NPHP1: variants seen among roughly 807,000 people sequenced by gnomAD.
The protein encoded by NPHP1 is nephrocystin-1.
A neutral mutation model predicts 90.4 loss-of-function variants in NPHP1; 70 were observed. The ratio of observed to expected loss-of-function variants is 0.77; its 90% CI spans 0.64 to 0.95. The LOEUF (loss-of-function observed/expected upper bound fraction) is 0.95. NPHP1 is among the 40% of genes least tolerant of loss of function. NPHP1 has a pLI of 0.00. For missense variants in NPHP1, 764 were observed against 795.9 expected, an observed-to-expected ratio of 0.96 and a Z score of 0.48; for synonymous variants, 256 against 271.7, an observed-to-expected ratio of 0.94 and a Z score of 0.57.
intron 2 of NPHP1, among the ~76,000 whole-genome samples, chr2:110,193,890 C>A (rs917153889): frequency 6.6e-6 from 1 of 152,106 alleles, no homozygotes; most frequent in Non-Finnish European, 1.5e-5. Flanking sequence ...AACTGAACAA[C>A]CTGCTCCGGA....
chr2:110,163,089 G>A lies in NPHP1; in HGVS notation c.818C>T (p.Ala273Val). The stretch of plus-strand genomic sequence containing the variant: ...TGAGAGCGTGGAAGGCCTGAACCCT[G>A]CAGGAATAGCTCCCATCGTAGTTAA... The part of the protein sequence containing the change: ...DVLTTMGAIP[A>V]GFRPSTLSQL... Residue 273 changes from alanine to valine, a missense_variant, in exon 9 of 20, where the codon GCA (alanine) becomes GTA (valine). Physicochemically the swap from Ala to Val is moderately conservative, Grantham distance 64. Coordinates refer to ENST00000445609, the MANE Select transcript of NPHP1 (RefSeq NM_001128178.3). 6.2e-7 allele frequency: 1 copy of A among 1,613,630 alleles called. No individual in the cohort carries two copies. The highest frequency in any genetic ancestry group is 8.5e-7 in the Non-Finnish European group (1 of 1,179,556).
At chr2:110,164,775 A>C in intron 7 of NPHP1, 45 bp from the exon 8 acceptor site, 1 of 1,467,090 alleles carries the variant, frequency 6.8e-7, no homozygotes, top group Non-Finnish European at 9.6e-7. Flanking sequence ...GGTTATGCCT[A>C]TTCACTCAAT....
chr2:110,145,958 T>C (rs1269659442), intron 14 of NPHP1, among the ~76,000 whole-genome samples: 1 of 152,184 alleles, frequency 6.6e-6, no homozygotes, highest in Admixed American at 6.5e-5. Context: ...ATTATCTAAA[T>C]TAATCCTCAC....
At chr2:110,153,386 T>C (rs1203923020) in intron 11 of NPHP1, among the ~76,000 whole-genome samples, 1 of 152,104 alleles carries the variant, frequency 6.6e-6, no homozygotes, top group African/African-American at 2.4e-5. Context: ...ATGGAAATAG[T>C]AAAAATATAG....
intron 6 of NPHP1, among the ~76,000 whole-genome samples, chr2:110,165,870 T>G (rs115627876): frequency 6.6e-6 from 1 of 152,150 alleles, no homozygotes; most frequent in African/African-American, 2.4e-5. Context: ...ATACCCTGAC[T>G]TGATTATTAC....
rs1680804107 is a variant in NPHP1, at chr2:110,143,600, G to A, written c.1471C>T (p.Gln491Ter). ...VFYQIMTMRR[Q>*]PQLLVKLRSL... ...CTCAGTTTCACTAGAAGTTGAGGCTGCCTTCTCATTGTCATAATCTGGTAG... is the reference window on the plus strand; with the variant it reads ...CTCAGTTTCACTAGAAGTTGAGGCTACCTTCTCATTGTCATAATCTGGTAG... The change falls in exon 16 of 20, where the codon CAG becomes TAG. Residue 491 changes from glutamine to a stop codon, truncating the protein, a stop_gained. Coordinates refer to ENST00000445609, the MANE Select transcript of NPHP1 (RefSeq NM_001128178.3). LOFTEE classifies it high-confidence loss of function. 1 of 1,613,700 alleles carries A rather than the reference G, an allele frequency of 6.2e-7. No homozygotes were observed. Among genetic ancestry groups the A allele is most frequent in the East Asian group, 2.2e-5 (1 of 44,868 alleles).
intron 6 of NPHP1, among the ~76,000 whole-genome samples, chr2:110,168,189 A>G (rs533127736): frequency 6.6e-6 from 1 of 152,300 alleles, no homozygotes; most frequent in South Asian, 2.1e-4. Context: ...GACACCTATT[A>G]TTTGTTATGA....
At chr2:110,182,501 A>C (rs1683976277) in intron 2 of NPHP1, among the ~76,000 whole-genome samples, 1 of 152,166 alleles carries the variant, frequency 6.6e-6, no homozygotes, top group South Asian at 2.1e-4. Context: ...ATTCTTAAAG[A>C]AAAGAAATTT....
At position 110,160,165 on chromosome 2, in the gene NPHP1, T is replaced by A. The variant is rs764950692; in HGVS notation, c.1045A>T (p.Ser349Cys). 3 of 1,612,996 alleles carry A rather than the reference T, an allele frequency of 1.9e-6. No homozygotes were observed. In the East Asian group the frequency reaches 6.7e-5, roughly 36 times the overall value. The change falls in exon 11 of 20, where the codon AGC (serine) becomes TGC (cysteine). Residue 349 changes from serine to cysteine, a missense_variant. Transcript: ENST00000445609. ...AATAGACAGAGGCGTACATGTCTGCTGAGAACCTGTATGCTCATTCCTGGA... is the reference window on the plus strand; with the variant it reads ...AATAGACAGAGGCGTACATGTCTGCAGAGAACCTGTATGCTCATTCCTGGA... ...PLPGMSIQVL[S>C]RHVRLCLFDG... is the part of the protein sequence containing the mutation.
At position 110,165,163 on chromosome 2, in the gene NPHP1, A is replaced by G. The variant is rs752133948; in HGVS notation, c.625-8T>C. The G allele has an allele frequency of 6.2e-6, 10 of 1,605,356 alleles. No individual in the cohort carries two copies. In the East Asian group the frequency reaches 2.0e-4, roughly 32 times the overall value. On this transcript the variant is annotated splice_polypyrimidine_tract_variant and splice_region_variant and intron_variant, in intron 6 of 19. Transcript: ENST00000445609. ...TTCTTCTTCACTATAAGGCTAAAAA[A>G]CCATTGAAATGTGAAGTGCTTTTTA...
intron 16 of NPHP1, among the ~76,000 whole-genome samples, chr2:110,136,284 A>G (rs1259706805): frequency 1.3e-5 from 2 of 152,128 alleles, no homozygotes; most frequent in East Asian, 1.9e-4. Context: ...GTCCTCTCTC[A>G]CCACTCCTAT....
chr2:110,179,874 C>T lies in NPHP1; in HGVS notation c.144-190G>A, dbSNP rs375699764. ...ATCCTCATAGCCAAGCTGTAAAACA[C>T]ATAGACATGATAACCAAGCCTCAGA... On this transcript the variant is annotated intron_variant, in intron 2 of 19. Transcript: ENST00000445609. Among the ~76,000 whole-genome samples the T allele has an allele frequency of 2.8e-4, 42 of 152,218 alleles. No homozygotes were observed. The East Asian group carries it at 5.0e-3, about 18-fold the overall frequency.
At chr2:110,191,756 C>G (rs992186032) in intron 2 of NPHP1, among the ~76,000 whole-genome samples, 1 of 152,158 alleles carries the variant, frequency 6.6e-6, no homozygotes, top group Non-Finnish European at 1.5e-5. Context: ...GAGGCACCCC[C>G]CAGTAGGGGC....
At chr2:110,135,675 C>T (rs1375532784) in intron 16 of NPHP1, among the ~76,000 whole-genome samples, 1 of 151,702 alleles carries the variant, frequency 6.6e-6, no homozygotes, top group Non-Finnish European at 1.5e-5. Context: ...TGAGGAAGGA[C>T]CATATAGAAA....
In NPHP1 at chr2:110,190,377, G is replaced by A. The variant is rs541797706; in HGVS notation, c.144-10693C>T. Among the ~76,000 whole-genome samples, 628 of 152,300 alleles carry A rather than the reference G, an allele frequency of 4.1e-3. 6 individuals carry two copies. Among genetic ancestry groups the A allele is most frequent in the African/African-American group, 0.014 (579 of 41,570 alleles). ...GGCTGAAGGTCCCGAGCCCTGCCCC[G>A]CGGGAAGGCAGCTAAGGCCGGGTGA... On this transcript the variant is annotated intron_variant, in intron 2 of 19. Transcript: ENST00000445609.
At chr2:110,133,157 A>C (rs763557513) in intron 16 of NPHP1, among the ~76,000 whole-genome samples, 1 of 152,126 alleles carries the variant, frequency 6.6e-6, no homozygotes, top group Non-Finnish European at 1.5e-5. Context: ...TATGTTATCT[A>C]TAAGAGACTC....
At position 110,183,066 on chromosome 2, in the gene NPHP1, T is replaced by C. The variant is rs1017239433; in HGVS notation, c.144-3382A>G. On this transcript the variant is annotated intron_variant, in intron 2 of 19. Transcript: ENST00000445609. ...GACAAAGAAGGGCATTACACAATGG[T>C]AAAAGGTTCAATTCAACAAGAAGAG... Among the ~76,000 whole-genome samples, 15 of 151,892 alleles carry C rather than the reference T, an allele frequency of 9.9e-5. 1 individual carries two copies. Among genetic ancestry groups the C allele is most frequent in the African/African-American group, 3.6e-4 (15 of 41,310 alleles).
intron 2 of NPHP1, among the ~76,000 whole-genome samples, chr2:110,198,431 CT>C (rs1423868438): frequency 6.6e-6 from 1 of 152,042 alleles, no homozygotes; most frequent in Non-Finnish European, 1.5e-5. Context: ...TTAAAGCAAT[CT>C]AAGGTCTTTA....
intron 5 of NPHP1, 110 bp from the exon 6 acceptor site, chr2:110,168,663 A>T: frequency 1.3e-6 from 1 of 756,206 alleles, no homozygotes; most frequent in South Asian, 1.5e-5. Flanking sequence ...ATCTTTTTTT[A>T]ATCCAATATT....
Sources: gnomAD v4.1 joint callset for allele counts (sites outside exome capture counted in the v4.1 genomes callset) on GRCh38, gnomAD v4.1.1 for gene constraint, MANE v1.5 for transcripts, NCBI Gene and HGNC (gene_info 2026-07-23, HGNC 2026-07-21) for gene names.